The following MED13L variants were observed in gnomAD, a reference collection of about 807,000 sequenced individuals.
The protein encoded by MED13L is mediator complex subunit 13L, also known as mediator of RNA polymerase II transcription subunit 13-like.
MED13L carries 7 observed loss-of-function variants against 220.9 expected under a neutral mutation model. The ratio of observed to expected loss-of-function variants is 0.03; its 90% CI spans 0.02 to 0.06. The LOEUF (loss-of-function observed/expected upper bound fraction) is 0.06. MED13L is among the 10% of genes least tolerant of loss of function. MED13L has a pLI of 1.00. For synonymous variants in MED13L, 1,011 were observed against 1,015.2 expected (o/e 1.00, Z 0.08); for missense variants, 1,965 against 2,760.5 (o/e 0.71, Z 6.46).
rs776586145 is a variant in MED13L at position 115,972,150 on chromosome 12, C to A, written c.5818G>T (p.Ala1940Ser). ...DVCRMCGISA[A>S]DSPSILSACL... is the part of the protein sequence containing the mutation. Reference sequence around the variant, plus strand: ...GCACTAAGGATAGAAGGAGAGTCTGCGGCAGAGATTCCACACATCCGGCAC... The same window carrying A: ...GCACTAAGGATAGAAGGAGAGTCTGAGGCAGAGATTCCACACATCCGGCAC... Residue 1940 changes from alanine (A) to serine (S), a missense_variant, in exon 26 of 31, where the codon GCA becomes TCA. Physicochemically the swap from Ala to Ser is moderately conservative, Grantham distance 99. Around this residue, in one of 10 missense-constraint regions of MED13L, gnomAD observed 23 missense variants for 20.4 expected, o/e 1.12. Transcript: ENST00000281928. 3 of 1,613,960 alleles carry A rather than the reference C, an allele frequency of 1.9e-6. No individual in the cohort carries two copies. Among genetic ancestry groups the A allele is most frequent in the South Asian group, 1.1e-5 (1 of 91,088 alleles).
rs11320330 is a variant in MED13L, at chr12:116,180,931, C to CTT, written c.310+56535_310+56536dup. ...TTGAAAATGAGTTATTTCTCTCTCT[C>CTT]TTTTTTTTTTTTTTTTTGAAATGCA... On this transcript the variant is annotated intron_variant, in intron 2 of 30. Coordinates refer to ENST00000281928, the MANE Select transcript of MED13L (RefSeq NM_015335.5). 3.7e-3 allele frequency among the ~76,000 whole-genome samples: 444 copies of CTT among 121,098 alleles called. 1 individual carries two copies. Among genetic ancestry groups the CTT allele is most frequent in the South Asian group, 6.6e-3 (26 of 3,958 alleles). The allele number at this position is 121,098 out of a possible 152,430, so 79.4% of individuals were successfully genotyped here. A position where few individuals can be genotyped will look rare whatever the true frequency, so the allele number is the denominator to read the frequency against.
chr12:116,245,053 A>G (rs1870978770), intron 1 of MED13L, among the ~76,000 whole-genome samples: 1 of 152,176 alleles, frequency 6.6e-6, no homozygotes, highest in South Asian at 2.1e-4. Context: ...TCTTCACCCC[A>G]GCAAATAAAT....
At chr12:116,157,386 C>T (rs986725749) in intron 2 of MED13L, among the ~76,000 whole-genome samples, 1 of 152,138 alleles carries the variant, frequency 6.6e-6, no homozygotes, top group Admixed American at 6.6e-5. Context: ...CCAGCACCAG[C>T]ACAGTGCCTA....
chr12:116,012,053 T>A (rs181485128), intron 9 of MED13L, among the ~76,000 whole-genome samples: 1 of 152,210 alleles, frequency 6.6e-6, no homozygotes, highest in Non-Finnish European at 1.5e-5. Flanking sequence ...AGTATCAAAT[T>A]TGAAAGTGTA....
chr12:115,972,239 G>A lies in MED13L; in HGVS notation c.5732-3C>T, dbSNP rs370245982. On this transcript the variant is annotated splice_polypyrimidine_tract_variant and splice_region_variant and intron_variant, in intron 25 of 30. Coordinates refer to ENST00000281928, the MANE Select transcript of MED13L (RefSeq NM_015335.5). ...TTCTCCAAGGAGGATACTCCAATCT[G>A]AAATCAAATATCGCAGTCATACACA... 3.1e-4 allele frequency: 497 copies of A among 1,612,988 alleles called. 1 individual carries two copies. Among genetic ancestry groups the A allele is most frequent in the Admixed American group, 8.5e-4 (51 of 60,000 alleles).
At chr12:116,152,546 C>T (rs976851341) in intron 2 of MED13L, among the ~76,000 whole-genome samples, 2 of 152,122 alleles carry the variant, frequency 1.3e-5, no homozygotes, top group Non-Finnish European at 1.5e-5. Flanking sequence ...TGCCACCTTC[C>T]CTGCACTGTC....
chr12:116,075,427 A>C (rs1325068581), intron 4 of MED13L, among the ~76,000 whole-genome samples: 1 of 152,156 alleles, frequency 6.6e-6, no homozygotes, highest in African/African-American at 2.4e-5. Context: ...TGTTCTCAGC[A>C]CTTTCTAGAT....
chr12:116,076,890 A>G (rs1253777677), intron 4 of MED13L, among the ~76,000 whole-genome samples: 1 of 152,200 alleles, frequency 6.6e-6, no homozygotes, highest in Non-Finnish European at 1.5e-5. Context: ...CAGAGCACAA[A>G]TGGACATAAA....
chr12:115,985,129 A>G lies in MED13L; in HGVS notation c.4339-757T>C, dbSNP rs372577393. Among the ~76,000 whole-genome samples, 35 of 152,298 alleles carry G rather than the reference A, an allele frequency of 2.3e-4. 1 individual carries two copies. The highest frequency in any genetic ancestry group is 8.2e-4 in the African/African-American group (34 of 41,566). Reference sequence around the variant, plus strand: ...AGCAACCCTAGTGAAGTCATTAAGAAAAATTTAAAAGAGTGTCTGTCTGTA... The same window carrying G: ...AGCAACCCTAGTGAAGTCATTAAGAGAAATTTAAAAGAGTGTCTGTCTGTA... On this transcript the variant is annotated intron_variant, in intron 19 of 30. Coordinates refer to ENST00000281928, the MANE Select transcript of MED13L (RefSeq NM_015335.5).
intron 2 of MED13L, among the ~76,000 whole-genome samples, chr12:116,158,400 T>A (rs1449351272): frequency 1.3e-5 from 2 of 152,188 alleles, no homozygotes; most frequent in Non-Finnish European, 2.9e-5. Flanking sequence ...AATATCCTAT[T>A]TCAGAAATCC....
chr12:116,165,859 T>C lies in MED13L; in HGVS notation c.311-54347A>G, dbSNP rs1045944056. On this transcript the variant is annotated intron_variant, in intron 2 of 30. Coordinates refer to ENST00000281928, the MANE Select transcript of MED13L (RefSeq NM_015335.5). ...GGCTACACTATGCCTAGTCTAGCCC[T>C]ATCTGCCCTCAGGTGGGCCTCATCT... is the stretch of plus-strand genomic sequence containing the variant. Among the ~76,000 whole-genome samples, 55 of 152,210 alleles carry C rather than the reference T, an allele frequency of 3.6e-4. 2 individuals are homozygous for C. Among genetic ancestry groups the C allele is most frequent in the Non-Finnish European group, 2.9e-5 (2 of 68,046 alleles).
intron 1 of MED13L, among the ~76,000 whole-genome samples, chr12:116,261,445 C>T (rs1423114983): frequency 5.4e-5 from 8 of 147,132 alleles, no homozygotes; most frequent in African/African-American, 2.0e-4. Context: ...TGCAGTGAGC[C>T]GAGATTGTGC....
chr12:116,263,976 G>C (rs1047342487), intron 1 of MED13L, among the ~76,000 whole-genome samples: 4 of 152,198 alleles, frequency 2.6e-5, no homozygotes, highest in South Asian at 2.1e-4. Flanking sequence ...TTCAAGCAAG[G>C]CTGGAATTCC....
At chr12:116,012,422 A>G (rs1341401742) in intron 9 of MED13L, among the ~76,000 whole-genome samples, 1 of 152,212 alleles carries the variant, frequency 6.6e-6, no homozygotes, top group African/African-American at 2.4e-5. Flanking sequence ...TTATCTACAG[A>G]AAGTCTCTTT....
In MED13L at chr12:116,008,574, G is replaced by A. The variant is rs770085367; in HGVS notation, c.1839C>T (p.Ser613=). The A allele has an allele frequency of 3.9e-5, 63 of 1,613,830 alleles. No individual in the cohort carries two copies. The South Asian group carries it at 6.3e-4, about 16-fold the overall frequency. Residue 613 remains serine (S), a synonymous_variant, in exon 10 of 31, where the codon AGC becomes AGT. Transcript: ENST00000281928. ...GQRLPLMAEV[S]ETALYCGIRP... Reference sequence around the variant, plus strand: ...TAATCCCACAATATAAGGCTGTCTCGCTGACCTCTGCCATGAGAGGCAGTC... The same window carrying A: ...TAATCCCACAATATAAGGCTGTCTCACTGACCTCTGCCATGAGAGGCAGTC...
chr12:116,219,766 C>T (rs578254447), intron 2 of MED13L, among the ~76,000 whole-genome samples: 2 of 152,056 alleles, frequency 1.3e-5, no homozygotes, highest in South Asian at 4.2e-4. Flanking sequence ...AAGTTCTTAC[C>T]AAAGTAAGTT....
At chr12:116,124,777 T>C (rs1388238228) in intron 2 of MED13L, among the ~76,000 whole-genome samples, 2 of 152,202 alleles carry the variant, frequency 1.3e-5, no homozygotes, top group African/African-American at 4.8e-5. Context: ...TGACAACATA[T>C]AAAGTCAGTT....
intron 4 of MED13L, among the ~76,000 whole-genome samples, chr12:116,091,120 C>CAAAAAAAAAAAA (rs5801163): frequency 1.1e-5 from 1 of 87,388 alleles, no homozygotes; most frequent in Non-Finnish European, 2.3e-5. Context: ...AACTCTGTCT[C>CAAAAAAAAAAAA]AAAAAAAAAA....
At chr12:116,148,051 C>CAAAAAAAAAAAAAAAAAAAAAAAAAAAAA (rs10678970) in intron 2 of MED13L, among the ~76,000 whole-genome samples, 2 of 18,140 alleles carry the variant, frequency 1.1e-4, no homozygotes, top group Non-Finnish European at 9.4e-5. Context: ...GACCCCATCT[C>CAAAAAAAAAAAAAAAAAAAAAAAAAAAAA]AAAAAAAAAA....
Sources: gnomAD v4.1 joint callset for allele counts (sites outside exome capture counted in the v4.1 genomes callset) on GRCh38, gnomAD v4.1.1 for gene constraint, gnomAD v4.1.1 regional missense constraint, MANE v1.5 for transcripts, NCBI Gene and HGNC (gene_info 2026-07-23, HGNC 2026-07-21) for gene names.